The following DHX33 variants were observed in gnomAD, a reference collection of about 807,000 sequenced individuals.
DHX33 encodes the protein ATP-dependent RNA helicase DHX33.
A neutral mutation model predicts 72.5 loss-of-function variants in DHX33; 42 were observed. That is an observed-to-expected ratio of 0.58 (90% CI 0.45 to 0.75). The LOEUF (loss-of-function observed/expected upper bound fraction) is 0.75. Among genes scored for constraint, DHX33 ranks in the 30% least tolerant of loss-of-function variants. The pLI, the probability that DHX33 is intolerant of heterozygous loss-of-function variation, is 0.00. For synonymous variants in DHX33, 358 were observed against 366.1 expected (o/e 0.98, Z 0.25); for missense variants, 842 against 917.5 (o/e 0.92, Z 1.06).
In DHX33 at chr17:5,462,329, A is replaced by C; in HGVS notation, c.668T>G (p.Leu223Arg). ...AAGTTTCCCTCATACTTTCAGAGGA[A>C]GTTTCCCGAGTTCCTTTCTCCTCTT... ...AQKRRKELGK[L>R]PLKVIVMSAT... Residue 223 changes from leucine to arginine, a missense_variant, in exon 3 of 12, where the codon CTT becomes CGT. Coordinates refer to ENST00000225296, the MANE Select transcript of DHX33 (RefSeq NM_020162.4). The C allele has an allele frequency of 1.2e-6, 2 of 1,613,786 alleles. No homozygotes were observed. Among genetic ancestry groups the C allele is most frequent in the Non-Finnish European group, 1.7e-6 (2 of 1,179,774 alleles).
chr17:5,454,058 C>G, intron 6 of DHX33, 78 bp from the exon 7 acceptor site: 1 of 1,512,976 alleles, frequency 6.6e-7, no homozygotes, highest in South Asian at 1.2e-5. Flanking sequence ...AAGAAGCACA[C>G]CAGTGGTTCT....
At position 5,444,902 on chromosome 17, in the gene DHX33, T is replaced by G. The variant is rs1454893846; in HGVS notation, c.1816-389A>C. 6.6e-6 allele frequency among the ~76,000 whole-genome samples: 1 copy of G among 152,094 alleles called. No homozygotes were observed. The highest frequency in any genetic ancestry group is 6.5e-5 in the Admixed American group (1 of 15,286). On this transcript the variant is annotated intron_variant, in intron 11 of 11. Transcript: ENST00000225296. This position sits in a 1 kb window ranked among gnomAD's most constrained non-coding sequence, Gnocchi z 4.9. ...ATCTCCTCACTCCGATTCACCCACC[T>G]GCTGCTGCCAAGCTAATCTACCTAA...
Position 5,450,782 on chromosome 17 carries a change from G to A in DHX33, c.1524+25C>T, listed in dbSNP as rs200350262. 3.3e-4 allele frequency: 537 copies of A among 1,613,916 alleles called. 3 individuals are homozygous for A. The highest frequency in any genetic ancestry group is 1.2e-3 in the Middle Eastern group (7 of 6,084). ...CGGTTAACTGTAATGTACAGAAAGA[G>A]GACTGAGGAGAGGGTATCATTTACT... On this transcript the variant is annotated intron_variant, in intron 9 of 11. Coordinates refer to ENST00000225296, the MANE Select transcript of DHX33 (RefSeq NM_020162.4).
intron 1 of DHX33, among the ~76,000 whole-genome samples, chr17:5,464,817 CA>C (rs1478318138): frequency 1.3e-5 from 2 of 152,222 alleles, no homozygotes; most frequent in Non-Finnish European, 2.9e-5. Context: ...TGCCTCCCTT[CA>C]AACCCTCTGC....
chr17:5,458,104 C>T (rs1904408660), intron 4 of DHX33, among the ~76,000 whole-genome samples: 1 of 152,048 alleles, frequency 6.6e-6, no homozygotes, highest in Non-Finnish European at 1.5e-5. Flanking sequence ...TTAAAGCCTT[C>T]AGTTCCCTCT....
Position 5,450,268 on chromosome 17 carries a change from T to C in DHX33, c.1663A>G (p.Ser555Gly). The C allele has an allele frequency of 6.2e-7, 1 of 1,614,214 alleles. No homozygotes were observed. The highest frequency in any genetic ancestry group is 1.6e-4 in the Middle Eastern group (1 of 6,062). The change falls in exon 10 of 12, where the codon AGC becomes GGC. Residue 555 changes from serine (S) to glycine (G), a missense_variant. Ser to Gly is a moderately conservative substitution (Grantham distance 56). Coordinates refer to ENST00000225296, the MANE Select transcript of DHX33 (RefSeq NM_020162.4). ...VQGVRKKFIS[S>G]EGDHMTLLNI... ...AGCAGGGTCATGTGATCCCCCTCGC[T>C]GGATATGAACTTCTTGCGGACCCCT...
chr17:5,457,556 G>A (rs1213480512), intron 4 of DHX33, among the ~76,000 whole-genome samples: 1 of 143,472 alleles, frequency 7.0e-6, no homozygotes, highest in Non-Finnish European at 1.5e-5. Context: ...GCAGTGAGCC[G>A]AGCTCGTGTC....
At position 5,468,744 on chromosome 17, in the gene DHX33, C is replaced by T. The variant is rs776166919; in HGVS notation, c.116G>A (p.Gly39Asp). ...TCCTCCTCCTCCTCTGCCGCCGCTGCCCGCAGTCAGCAGCATCACCACTTG... is the reference window on the plus strand; with the variant it reads ...TCCTCCTCCTCCTCTGCCGCCGCTGTCCGCAGTCAGCAGCATCACCACTTG... ...GRQVVMLLTA[G>D]SGGRGGGGGR... The change falls in exon 1 of 12, where the codon GGC (glycine) becomes GAC (aspartate). Residue 39 changes from glycine (G) to aspartate (D), a missense_variant. By Grantham distance (94) the Gly-to-Asp change is moderately conservative. Transcript: ENST00000225296. The T allele has an allele frequency of 3.7e-6, 6 of 1,611,192 alleles. No homozygotes were observed. In the Admixed American group the frequency reaches 6.7e-5, roughly 18 times the overall value.
intron 8 of DHX33, among the ~76,000 whole-genome samples, chr17:5,451,986 C>T (rs1413988832): frequency 6.7e-6 from 1 of 150,320 alleles, no homozygotes; most frequent in South Asian, 2.1e-4. Flanking sequence ...GGGATACATA[C>T]GCATATAGTA....
intron 6 of DHX33, 121 bp downstream of exon 6, chr17:5,455,039 C>A (rs989115600): frequency 1.1e-6 from 1 of 870,820 alleles, no homozygotes; most frequent in Non-Finnish European, 1.9e-6. Flanking sequence ...TCACTCATGG[C>A]GCCTGCCACC....
chr17:5,444,491 G>T lies in DHX33; in HGVS notation c.1838C>A (p.Ser613Tyr). The change falls in exon 12 of 12, where the codon TCC becomes TAC. Residue 613 changes from serine (S) to tyrosine (Y), a missense_variant. Coordinates refer to ENST00000225296, the MANE Select transcript of DHX33 (RefSeq NM_020162.4). The surrounding 1 kb of genome is among the most constrained non-coding windows in gnomAD (Gnocchi z 4.9). ...GCGGACACTCTCCACGTCTCCTCGG[G>T]ATGATGCGATTGGCATTGACATCTG... ...CLKMSMPIAS[S>Y]RGDVESVRRC... 6.2e-7 allele frequency: 1 copy of T among 1,613,980 alleles called. No individual in the cohort carries two copies. Among genetic ancestry groups the T allele is most frequent in the Non-Finnish European group, 8.5e-7 (1 of 1,179,932 alleles).
chr17:5,444,516 G>A lies in DHX33; in HGVS notation c.1816-3C>T. On this transcript the variant is annotated splice_polypyrimidine_tract_variant and splice_region_variant and intron_variant, in intron 11 of 11. Coordinates refer to ENST00000225296, the MANE Select transcript of DHX33 (RefSeq NM_020162.4). This position sits in a 1 kb window ranked among gnomAD's most constrained non-coding sequence, Gnocchi z 4.9. ...GATGATGCGATTGGCATTGACATCTGTTTCGGGAGAAAGCGAGGAATGGAG... is the reference window on the plus strand; with the variant it reads ...GATGATGCGATTGGCATTGACATCTATTTCGGGAGAAAGCGAGGAATGGAG... The A allele has an allele frequency of 6.2e-7, 1 of 1,612,202 alleles. No individual in the cohort carries two copies. Among genetic ancestry groups the A allele is most frequent in the Non-Finnish European group, 8.5e-7 (1 of 1,178,654 alleles).
At chr17:5,453,506 A>AT in intron 8 of DHX33, 74 bp downstream of exon 8, 2 of 1,210,576 alleles carry the variant, frequency 1.7e-6, no homozygotes, top group Non-Finnish European at 2.5e-6. Context: ...AATATACTTT[A>AT]TTTTTTTGGA....
intron 5 of DHX33, 125 bp from the exon 6 acceptor site, chr17:5,455,396 A>G: frequency 1.3e-6 from 1 of 767,792 alleles, no homozygotes; most frequent in South Asian, 1.7e-5. Flanking sequence ...TCCATTATTA[A>G]TGGCAGTCAT....
At position 5,444,165 on chromosome 17, in the gene DHX33, C is replaced by T. The variant is rs1236183855; in HGVS notation, c.*40G>A. On this transcript the variant is annotated 3_prime_UTR_variant, in exon 12 of 12. Coordinates refer to ENST00000225296, the MANE Select transcript of DHX33 (RefSeq NM_020162.4). This position sits in a 1 kb window ranked among gnomAD's most constrained non-coding sequence, Gnocchi z 4.9. ...GCTGTAAGGACAACTGTAGTCCAAGCTCCCAGGGACCAGTGATTCTGGCGG... is the reference window on the plus strand; with the variant it reads ...GCTGTAAGGACAACTGTAGTCCAAGTTCCCAGGGACCAGTGATTCTGGCGG... 1 of 1,585,234 alleles carries T rather than the reference C, an allele frequency of 6.3e-7. No individual in the cohort carries two copies. The highest frequency in any genetic ancestry group is 1.7e-5 in the Admixed American group (1 of 58,394).
chr17:5,466,908 C>G (rs1904894523), intron 1 of DHX33, among the ~76,000 whole-genome samples: 1 of 152,184 alleles, frequency 6.6e-6, no homozygotes, highest in Non-Finnish European at 1.5e-5. Context: ...ACTTTATGTG[C>G]AAGGTGTGTA....
intron 8 of DHX33, 98 bp downstream of exon 8, chr17:5,453,477 TAAACA>T: frequency 1.1e-6 from 1 of 906,592 alleles, no homozygotes; most frequent in African/African-American, 1.7e-5. Context: ...CAAAATTAAA[TAAACA>T]AAAGGAGATG....
intron 5 of DHX33, among the ~76,000 whole-genome samples, 186 bp downstream of exon 5, chr17:5,455,811 C>T (rs1210922644): frequency 1.3e-5 from 2 of 152,230 alleles, no homozygotes; most frequent in African/African-American, 4.8e-5. Context: ...TCTCCCTGCT[C>T]CTGTCACAGG....
rs559913274 is a variant in DHX33 at position 5,459,085 on chromosome 17, A to G, written c.849+1854T>C. ...TGTACTGGTGTGTGCCTGTAGTTCC[A>G]GCTACTCAGGAGGCAAAGGTAGGAG... On this transcript the variant is annotated intron_variant, in intron 4 of 11. Coordinates refer to ENST00000225296, the MANE Select transcript of DHX33 (RefSeq NM_020162.4). Among the ~76,000 whole-genome samples the G allele has an allele frequency of 3.9e-5, 6 of 152,246 alleles. No homozygotes were observed. In the South Asian group the frequency reaches 1.2e-3, roughly 32 times the overall value.
Sources: gnomAD v4.1 joint callset for allele counts (sites outside exome capture counted in the v4.1 genomes callset) on GRCh38, gnomAD v4.1.1 for gene constraint, Gnocchi (gnomAD v3.1) non-coding constraint, MANE v1.5 for transcripts, NCBI Gene and HGNC (gene_info 2026-07-23, HGNC 2026-07-21) for gene names.